Variants in DGKB observed in about 807,000 individuals in gnomAD.
DGKB encodes 90 kDa diacylglycerol kinase.
DGKB carries 67 observed loss-of-function variants against 114.3 expected under a neutral mutation model. That is an observed-to-expected ratio of 0.59 (90% CI 0.48 to 0.72). The LOEUF (loss-of-function observed/expected upper bound fraction) is 0.72. Ranked by LOEUF, DGKB falls within the 30% of genes least tolerant of loss-of-function variation. DGKB has a pLI of 0.00. For synonymous variants in DGKB, 398 were observed against 323.1 expected, an observed-to-expected ratio of 1.23 and a Z score of -2.49; for missense variants, 907 against 975.2, an observed-to-expected ratio of 0.93 and a Z score of 0.93.
At chr7:14,259,519 C>T (rs897133898) in intron 23 of DGKB, among the ~76,000 whole-genome samples, 7 of 152,110 alleles carry the variant, frequency 4.6e-5, no homozygotes, top group South Asian at 4.1e-4. Flanking sequence ...TTCTGCATCC[C>T]GGCTTCAAGT....
chr7:14,274,633 T>C (rs1298737873), intron 23 of DGKB, among the ~76,000 whole-genome samples: 11 of 152,184 alleles, frequency 7.2e-5, no homozygotes, highest in Admixed American at 6.5e-4. Flanking sequence ...TCTTACAGTT[T>C]AGAAGGCTGG....
intron 1 of DGKB, among the ~76,000 whole-genome samples, chr7:14,892,091 G>A (rs546606489): frequency 6.6e-6 from 1 of 151,488 alleles, no homozygotes; most frequent in South Asian, 2.1e-4. Context: ...TGGACAGTAA[G>A]AGAAGGGAGA....
intron 21 of DGKB, among the ~76,000 whole-genome samples, chr7:14,403,588 C>T (rs371293639): frequency 1.3e-5 from 2 of 151,876 alleles, no homozygotes; most frequent in Non-Finnish European, 2.9e-5. Flanking sequence ...TCTGCCAATT[C>T]GCATCAACTC....
At chr7:14,490,221 T>C (rs1478432168) in intron 20 of DGKB, among the ~76,000 whole-genome samples, 1 of 152,176 alleles carries the variant, frequency 6.6e-6, no homozygotes, top group African/African-American at 2.4e-5. Context: ...AGAATATATG[T>C]AACTATATGT....
chr7:14,962,867 C>T (rs984918750), intron 1 of DGKB, among the ~76,000 whole-genome samples: 1 of 152,050 alleles, frequency 6.6e-6, no homozygotes, highest in African/African-American at 2.4e-5. Flanking sequence ...GTGACAGAAA[C>T]TCAACAAAAA....
chr7:14,632,932 G>A (rs1810026482), intron 13 of DGKB, among the ~76,000 whole-genome samples: 1 of 151,798 alleles, frequency 6.6e-6, no homozygotes, highest in South Asian at 2.1e-4. Flanking sequence ...ACCCACAGCG[G>A]CCAAAAGATA....
At chr7:14,279,952 A>C (rs576384958) in intron 23 of DGKB, among the ~76,000 whole-genome samples, 24 of 152,224 alleles carry the variant, frequency 1.6e-4, no homozygotes, top group Admixed American at 3.9e-4. Context: ...AATCAGAGCG[A>C]CTCTCCTCCT....
chr7:14,735,929 C>T, intron 5 of DGKB, 112 bp downstream of exon 5: 1 of 631,612 alleles, frequency 1.6e-6, no homozygotes, highest in Non-Finnish European at 2.5e-6. Context: ...AAGTCTAAAC[C>T]CTGTAACAAA....
intron 1 of DGKB, among the ~76,000 whole-genome samples, chr7:14,870,589 C>T (rs186262296): frequency 4.6e-5 from 7 of 152,056 alleles, no homozygotes; most frequent in South Asian, 2.1e-4. Context: ...CGACATCAGG[C>T]GTTTGAGATC....
chr7:14,849,922 G>A (rs4719428), intron 1 of DGKB, among the ~76,000 whole-genome samples: 134,660 of 152,182 alleles, frequency 0.88, 59,997 homozygotes, highest in East Asian at 1. Context: ...AGTGGAAGAA[G>A]GAGACACAGA....
chr7:14,796,908 C>A (rs1322226827), intron 2 of DGKB, among the ~76,000 whole-genome samples: 1 of 152,152 alleles, frequency 6.6e-6, no homozygotes, highest in East Asian at 1.9e-4. Flanking sequence ...CCTTTGACAT[C>A]TTTTTGTTTC....
intron 13 of DGKB, among the ~76,000 whole-genome samples, chr7:14,669,169 T>G (rs1362847797): frequency 6.6e-6 from 1 of 152,186 alleles, no homozygotes; most frequent in African/African-American, 2.4e-5. Flanking sequence ...TATATCTTTT[T>G]GCCATTGTTG....
intron 21 of DGKB, among the ~76,000 whole-genome samples, chr7:14,381,041 C>T (rs1465071735): frequency 6.6e-6 from 1 of 152,186 alleles, no homozygotes; most frequent in Non-Finnish European, 1.5e-5. Context: ...GGAAGGAAGG[C>T]TCCTCACAGT....
intron 20 of DGKB, among the ~76,000 whole-genome samples, chr7:14,497,663 A>G (rs1360272663): frequency 1.3e-5 from 2 of 151,948 alleles, no homozygotes; most frequent in African/African-American, 4.8e-5. Flanking sequence ...ACTTTGCTGC[A>G]TCACCCCAAA....
At chr7:14,176,507 G>A in intron 25 of DGKB, 1 of 1,020,264 alleles carries the variant, frequency 9.8e-7, no homozygotes, top group Non-Finnish European at 1.2e-6. Flanking sequence ...AATGTGCTCT[G>A]AAATAAACAA....
intron 23 of DGKB, among the ~76,000 whole-genome samples, chr7:14,290,780 C>T (rs1206851504): frequency 2.6e-5 from 4 of 152,054 alleles, no homozygotes; most frequent in South Asian, 4.1e-4. Context: ...TATAGTTTAC[C>T]ACAGGTAGCA....
rs190329504 is a variant in DGKB at position 14,379,555 on chromosome 7, T to A, written c.1836-34164A>T. ...GCTGGCTTTAAGCAATTGCTTTTTT[T>A]ATTTTATTTTTTATTGTTTTTTGAG... is the stretch of plus-strand genomic sequence containing the variant. On this transcript the variant is annotated intron_variant, in intron 21 of 25. Transcript: ENST00000402815. Among the ~76,000 whole-genome samples the A allele has an allele frequency of 5.0e-3, 759 of 152,128 alleles. 3 individuals carry two copies. The highest frequency in any genetic ancestry group is 0.017 in the African/African-American group (693 of 41,534).
At chr7:14,649,964 C>T (rs1044136916) in intron 13 of DGKB, among the ~76,000 whole-genome samples, 9 of 148,780 alleles carry the variant, frequency 6.0e-5, no homozygotes, top group African/African-American at 1.7e-4. Context: ...AATATATATG[C>T]ACCCAATACA....
chr7:14,219,004 T>C (rs1473293599), intron 23 of DGKB, among the ~76,000 whole-genome samples: 1 of 151,988 alleles, frequency 6.6e-6, no homozygotes, highest in Non-Finnish European at 1.5e-5. Flanking sequence ...GAATATTTCA[T>C]ACAAATGGAA....
Sources: gnomAD v4.1 joint callset for allele counts (sites outside exome capture counted in the v4.1 genomes callset) on GRCh38, gnomAD v4.1.1 for gene constraint, MANE v1.5 for transcripts, NCBI Gene and HGNC (gene_info 2026-07-23, HGNC 2026-07-21) for gene names.